The following NPAS4 variants were observed in gnomAD, a reference collection of about 807,000 sequenced individuals.
NPAS4 encodes the protein neuronal PAS domain-containing protein 4.
A neutral mutation model predicts 64.0 loss-of-function variants in NPAS4; 10 were observed. The ratio of observed to expected loss-of-function variants is 0.16; its 90% CI spans 0.10 to 0.26. NPAS4 has a LOEUF of 0.26. Among genes scored for constraint, NPAS4 ranks in the 10% least tolerant of loss-of-function variants. The probability of loss-of-function intolerance (pLI) is 1.00; values close to 1 mark genes in which losing one functional copy is unlikely to be tolerated. For synonymous variants in NPAS4, 441 were observed against 411.7 expected (o/e 1.07, Z -0.86); for missense variants, 886 against 992.6 (o/e 0.89, Z 1.44).
At chr11:66,422,020 G>T (rs920708519) in intron 1 of NPAS4, 100 bp from the exon 2 acceptor site, 1 of 1,132,630 alleles carries the variant, frequency 8.8e-7, no homozygotes, top group East Asian at 2.4e-5. Context: ...AGGTCCATGA[G>T]AAATTCCTCT....
chr11:66,426,199 A>G lies in NPAS4; in HGVS notation c.*210A>G. ...AAATCAAGAGACTTCGAGCGATCCC[A>G]GTTTCCATTTCAATCTGTATTCACT... On this transcript the variant is annotated 3_prime_UTR_variant, in exon 8 of 8. Coordinates refer to ENST00000311034, the MANE Select transcript of NPAS4 (RefSeq NM_178864.4). 1.8e-6 allele frequency: 1 copy of G among 559,152 alleles called. No homozygotes were observed. The highest frequency in any genetic ancestry group is 3.2e-6 in the Non-Finnish European group (1 of 311,138). The allele number at this position is 559,152 out of a possible 1,614,324, so 34.6% of individuals were successfully genotyped here. A position where few individuals can be genotyped will look rare whatever the true frequency, so the allele number is the denominator to read the frequency against.
In NPAS4 at chr11:66,424,015, C is replaced by A; in HGVS notation, c.1125C>A (p.Phe375Leu). Reference protein sequence around the residue: ...AALGAPRSTSFPSAPELSVVS... With the variant: ...AALGAPRSTSLPSAPELSVVS... ...TGGGGGCTCCCAGAAGCACCAGCTT[C>A]CCCAGTGCTCCTGAACTGAGTGTTG... Residue 375 changes from phenylalanine (F) to leucine (L), a missense_variant, in exon 7 of 8, where the codon TTC becomes TTA. This residue lies in a region of NPAS4 where 820 missense variants were observed against 855.5 expected (regional missense o/e 0.96). Coordinates refer to ENST00000311034, the MANE Select transcript of NPAS4 (RefSeq NM_178864.4). 6.2e-7 allele frequency: 1 copy of A among 1,614,098 alleles called. No individual in the cohort carries two copies. Among genetic ancestry groups the A allele is most frequent in the Non-Finnish European group, 8.5e-7 (1 of 1,179,990 alleles).
the NPAS4 span, among the ~76,000 whole-genome samples, chr11:66,412,298 G>A: frequency 6.6e-6 from 1 of 152,222 alleles, no homozygotes; most frequent in Non-Finnish European, 1.5e-5. Flanking sequence ...GCAGTGGAGG[G>A]GGCAGCTGCT....
chr11:66,417,099 TAATA>T (rs1258331119), upstream of NPAS4: 1 of 150,996 alleles, frequency 6.6e-6, no homozygotes, highest in Non-Finnish European at 1.5e-5. Context: ...TCGGAAAAAA[TAATA>T]AAGAAAGGAA....
chr11:66,421,116 C>A lies in NPAS4; in HGVS notation c.-64C>A. 7.1e-7 allele frequency: 1 copy of A among 1,410,874 alleles called. No individual in the cohort carries two copies. The highest frequency in any genetic ancestry group is 2.1e-5 in the Admixed American group (1 of 47,328). 87.4% of individuals were successfully genotyped at this position (1,410,874 alleles called of 1,614,324 possible). ...GGGGAAGCACGGAGGAGGAAGCCGC[C>A]GGTGCGTCGGGACGGGAGCGCAGGT... On this transcript the variant is annotated 5_prime_UTR_variant, in exon 1 of 8. Transcript: ENST00000311034.
At chr11:66,420,972 G>T, upstream of NPAS4, 1 of 535,624 alleles carries the variant, frequency 1.9e-6, no homozygotes, top group East Asian at 3.0e-5. Flanking sequence ...CGCCCCCCCG[G>T]CTCTAAAACG....
Position 66,423,960 on chromosome 11 carries a change from C to G in NPAS4, c.1070C>G (p.Ser357Cys). 8 of 1,613,942 alleles carry G rather than the reference C, an allele frequency of 5.0e-6. No homozygotes were observed. The highest frequency in any genetic ancestry group is 2.2e-5 in the East Asian group (1 of 44,882). Residue 357 changes from serine to cysteine, a missense_variant, in exon 7 of 8, where the codon TCC (serine) becomes TGC (cysteine). By Grantham distance (112) the Ser-to-Cys change is moderately radical (BLOSUM62 -1). Coordinates refer to ENST00000311034, the MANE Select transcript of NPAS4 (RefSeq NM_178864.4). The part of the protein sequence containing the change: ...PENILSQEEC[S>C]STNPLFTAAL... ...AACATTCTTTCCCAGGAAGAGTGCT[C>G]CAGCACTAACCCACTCTTCACCGCA...
chr11:66,417,497 G>C (rs905171924), upstream of NPAS4, among the ~76,000 whole-genome samples: 1 of 152,152 alleles, frequency 6.6e-6, no homozygotes, highest in Non-Finnish European at 1.5e-5. Flanking sequence ...GTTTTTACTA[G>C]AGATTGCATG....
At chr11:66,418,902 CTTCACTGCAGA>C (rs1238636675), upstream of NPAS4, among the ~76,000 whole-genome samples, 3 of 152,182 alleles carry the variant, frequency 2.0e-5, no homozygotes, top group Non-Finnish European at 4.4e-5. Flanking sequence ...CGCAGTATTC[CTTCACTGCAGA>C]TTCGCTCAGA....
rs1230921614 is a variant in NPAS4 at position 66,421,194 on chromosome 11, C to T, written c.15C>T (p.Thr5=). The T allele has an allele frequency of 6.2e-7, 1 of 1,610,302 alleles. No individual in the cohort carries two copies. The highest frequency in any genetic ancestry group is 1.7e-5 in the Admixed American group (1 of 59,326). ...AGCCGCCGGTCATGTACCGCTCCAC[C>T]AAGGGCGCCTCCAAGGCGCGCCGGG... MYRS[T]KGASKARRDQ... The change falls in exon 1 of 8, where the codon ACC becomes ACT. Residue 5 remains threonine (T), a synonymous_variant. Transcript: ENST00000311034.
chr11:66,424,427 C>A lies in NPAS4; in HGVS notation c.1537C>A (p.Leu513Ile). Residue 513 changes from leucine (L) to isoleucine (I), a missense_variant, in exon 7 of 8, where the codon CTT (leucine) becomes ATT (isoleucine). Physicochemically the swap from Leu to Ile is conservative, Grantham distance 5. Coordinates refer to ENST00000311034, the MANE Select transcript of NPAS4 (RefSeq NM_178864.4). ...CACCTCCACCTTCCCAGACCAGCTG[C>A]TTCCCAGCACAGCCACCTTCCCAGA... is the stretch of plus-strand genomic sequence containing the variant. ...PCTSTFPDQL[L>I]PSTATFPEPL... 1 of 1,614,106 alleles carries A rather than the reference C, an allele frequency of 6.2e-7. No individual in the cohort carries two copies. The highest frequency in any genetic ancestry group is 1.1e-5 in the South Asian group (1 of 91,084).
chr11:66,409,415 C>A, the NPAS4 span: 1 of 152,258 alleles, frequency 6.6e-6, no homozygotes, highest in African/African-American at 2.4e-5. Flanking sequence ...CCAGGCCTAG[C>A]GCCTTCGGGG....
upstream of NPAS4, among the ~76,000 whole-genome samples, chr11:66,419,812 G>A (rs1214108677): frequency 1.3e-5 from 2 of 152,318 alleles, no homozygotes; most frequent in African/African-American, 2.4e-5. Flanking sequence ...GAGAGGCAGA[G>A]CCAGGAGCCT....
At chr11:66,418,577 C>T (rs577569963), upstream of NPAS4, among the ~76,000 whole-genome samples, 1 of 152,024 alleles carries the variant, frequency 6.6e-6, no homozygotes, top group Non-Finnish European at 1.5e-5. Flanking sequence ...TAGGATGAGC[C>T]CTTCTCTACC....
the NPAS4 span, among the ~76,000 whole-genome samples, chr11:66,409,686 C>T: frequency 6.6e-6 from 1 of 152,176 alleles, no homozygotes; most frequent in African/African-American, 2.4e-5. Flanking sequence ...TGGCACGTTC[C>T]TAGAGGAAGA....
the NPAS4 span, among the ~76,000 whole-genome samples, chr11:66,415,206 TG>T: frequency 6.6e-6 from 1 of 152,072 alleles, no homozygotes; most frequent in Non-Finnish European, 1.5e-5. Flanking sequence ...TCATCCTGCA[TG>T]GGGAGGGTAC....
In NPAS4 at chr11:66,424,484, A is replaced by G. The variant is rs922323063; in HGVS notation, c.1594A>G (p.Thr532Ala). 3 of 1,613,662 alleles carry G rather than the reference A, an allele frequency of 1.9e-6. No homozygotes were observed. The highest frequency in any genetic ancestry group is 2.7e-5 in the African/African-American group (2 of 74,762). Residue 532 changes from threonine to alanine, a missense_variant, in exon 7 of 8, where the codon ACT (threonine) becomes GCT (alanine). Thr to Ala is a moderately conservative substitution (Grantham distance 58, BLOSUM62 0). Around this residue, in one of 3 missense-constraint regions of NPAS4, gnomAD observed 820 missense variants for 855.5 expected, o/e 0.96. Transcript: ENST00000311034. Reference sequence around the variant, plus strand: ...GGGCAGCCCTGCCCATGAACAGCTGACTCCTCCCAGCACAGCATTCCAAGC... The same window carrying G: ...GGGCAGCCCTGCCCATGAACAGCTGGCTCCTCCCAGCACAGCATTCCAAGC... ...PLGSPAHEQL[T>A]PPSTAFQAHL...
At chr11:66,416,698 T>A (rs1856675106), upstream of NPAS4, 1 of 152,256 alleles carries the variant, frequency 6.6e-6, no homozygotes, top group South Asian at 2.1e-4. Context: ...CATATTGTCA[T>A]TTTCTCTGAA....
chr11:66,410,648 G>A, the NPAS4 span: 3 of 152,326 alleles, frequency 2.0e-5, no homozygotes, highest in African/African-American at 7.2e-5. Context: ...ACCTGGTCCG[G>A]GTCCACCTCC....
Sources: allele counts gnomAD v4.1 joint callset (sites outside exome capture counted in the v4.1 genomes callset), GRCh38; gene constraint gnomAD v4.1.1; regional missense constraint gnomAD v4.1.1; transcripts MANE v1.5; gene names NCBI Gene and HGNC (gene_info 2026-07-23, HGNC 2026-07-21).